Variants in TUSC3 observed in about 807,000 individuals in gnomAD.
The protein encoded by TUSC3 is tumor suppressor candidate 3, also known as dolichyl-diphosphooligosaccharide--protein glycosyltransferase subunit TUSC3.
Under a neutral mutation model 44.8 loss-of-function variants are expected in TUSC3, and 45 were observed. The ratio of observed to expected loss-of-function variants is 1.00; its 90% CI spans 0.79 to 1.29. The LOEUF (loss-of-function observed/expected upper bound fraction) is 1.29. TUSC3 is among the 50% of genes most tolerant of loss of function. The pLI is 0.00. For synonymous variants in TUSC3, 212 were observed against 152.9 expected (o/e 1.39, Z -2.85); for missense variants, 519 against 437.9 (o/e 1.19, Z -1.65).
chr8:15,445,125 T>C (rs1229505532), intron 1 of TUSC3, among the ~76,000 whole-genome samples: 1 of 152,064 alleles, frequency 6.6e-6, no homozygotes, highest in Non-Finnish European at 1.5e-5. Flanking sequence ...TGCAAATACA[T>C]GGGTAGAAAG....
intron 1 of TUSC3, among the ~76,000 whole-genome samples, chr8:15,545,560 G>C (rs969045055): frequency 1.3e-5 from 2 of 151,756 alleles, no homozygotes; most frequent in Non-Finnish European, 2.9e-5. Flanking sequence ...GCATTAGCAA[G>C]TTGTGTTAGA....
the TUSC3 span, among the ~76,000 whole-genome samples, chr8:15,801,039 C>T: frequency 1.3e-5 from 2 of 152,006 alleles, no homozygotes; most frequent in African/African-American, 4.8e-5. Context: ...CTGGATCTCA[C>T]CCAAGAAAGA....
chr8:15,666,259 A>G (rs1317525479), intron 5 of TUSC3, among the ~76,000 whole-genome samples: 2 of 151,504 alleles, frequency 1.3e-5, no homozygotes, highest in African/African-American at 2.4e-5. Flanking sequence ...ATACAGGAAA[A>G]TATCCTAAGG....
At position 15,573,444 on chromosome 8, in the gene TUSC3, A is replaced by G. The variant is rs551425960; in HGVS notation, c.138+32876A>G. 9.9e-5 allele frequency among the ~76,000 whole-genome samples: 15 copies of G among 151,930 alleles called. 1 individual carries two copies. In the South Asian group the frequency reaches 2.3e-3, roughly 23 times the overall value. The stretch of plus-strand genomic sequence containing the variant: ...CTAGGTTGGCTTGCCACACTTCCGT[A>G]GATTGTGCTGCTGAAGATAGAAGGA... On this transcript the variant is annotated intron_variant, in intron 1 of 10. Coordinates refer to ENST00000503731, the MANE Select transcript of TUSC3 (RefSeq NM_006765.4).
chr8:15,435,763 C>A (rs979995199), intron 1 of TUSC3, among the ~76,000 whole-genome samples: 1 of 152,158 alleles, frequency 6.6e-6, no homozygotes, highest in Non-Finnish European at 1.5e-5. Flanking sequence ...GCCTACATTG[C>A]TCTTGGAATC....
At chr8:15,529,909 T>G (rs1315958360) in intron 2 of TUSC3, among the ~76,000 whole-genome samples, 1 of 71,896 alleles carries the variant, frequency 1.4e-5, no homozygotes, top group African/African-American at 5.8e-5. Flanking sequence ...GCCATTCTCC[T>G]GCCTCAGCCT....
chr8:15,549,684 G>A (rs1801989250), intron 1 of TUSC3, among the ~76,000 whole-genome samples: 1 of 151,588 alleles, frequency 6.6e-6, no homozygotes, highest in Non-Finnish European at 1.5e-5. Context: ...ATTGGTCCAT[G>A]TTTTTTAGAA....
At chr8:15,597,104 A>G (rs1804105723) in intron 1 of TUSC3, among the ~76,000 whole-genome samples, 1 of 152,140 alleles carries the variant, frequency 6.6e-6, no homozygotes, top group African/African-American at 2.4e-5. Flanking sequence ...TCAGAGATAC[A>G]GTGATAAATA....
At chr8:15,804,400 C>T in the TUSC3 span, among the ~76,000 whole-genome samples, 1 of 152,188 alleles carries the variant, frequency 6.6e-6, no homozygotes, top group East Asian at 1.9e-4. Flanking sequence ...TAAATTATTT[C>T]TTAAGGCTGA....
intron 1 of TUSC3, among the ~76,000 whole-genome samples, chr8:15,433,059 A>G (rs2129117118): frequency 6.6e-6 from 1 of 152,334 alleles, no homozygotes; most frequent in South Asian, 2.1e-4. Context: ...AGGGGAATCC[A>G]GTCTCATGAC....
At chr8:15,437,621 C>T (rs1013032486) in intron 1 of TUSC3, among the ~76,000 whole-genome samples, 3 of 152,200 alleles carry the variant, frequency 2.0e-5, no homozygotes, top group Non-Finnish European at 4.4e-5. Context: ...AGATCTGAAG[C>T]TTTGCCTAAG....
intron 2 of TUSC3, among the ~76,000 whole-genome samples, chr8:15,531,382 G>A (rs1158288900): frequency 6.6e-6 from 1 of 152,166 alleles, no homozygotes; most frequent in Non-Finnish European, 1.5e-5. Flanking sequence ...CTCCCGCATA[G>A]CTGGGATTAC....
chr8:15,441,479 T>C (rs150382699), intron 1 of TUSC3, among the ~76,000 whole-genome samples: 224 of 152,298 alleles, frequency 1.5e-3, no homozygotes, highest in African/African-American at 4.8e-3. Context: ...TCAAAAAGAT[T>C]GTTTAGCCCC....
chr8:15,771,816 C>T, the TUSC3 span, among the ~76,000 whole-genome samples: 6 of 152,028 alleles, frequency 3.9e-5, no homozygotes, highest in Non-Finnish European at 5.9e-5. Context: ...AGGCCGGGCA[C>T]GGTGGCTCAC....
At chr8:15,497,160 G>A (rs1187236327) in intron 2 of TUSC3, among the ~76,000 whole-genome samples, 2 of 152,126 alleles carry the variant, frequency 1.3e-5, no homozygotes, top group African/African-American at 2.4e-5. Flanking sequence ...AATTAATGGC[G>A]TATTCTTGGT....
intron 2 of TUSC3, among the ~76,000 whole-genome samples, chr8:15,639,195 G>A (rs1205011506): frequency 6.6e-6 from 1 of 151,348 alleles, no homozygotes; most frequent in African/African-American, 2.4e-5. Context: ...CAGGGCTTCA[G>A]TGATGATGAT....
At chr8:15,715,389 C>T (rs1810017539) in intron 6 of TUSC3, among the ~76,000 whole-genome samples, 2 of 152,186 alleles carry the variant, frequency 1.3e-5, no homozygotes, top group South Asian at 4.1e-4. Context: ...ACTATACCCA[C>T]TCTTCTTCTT....
rs201770969 is a variant in TUSC3 at position 15,593,085 on chromosome 8, TA to T, written c.139-29986del. On this transcript the variant is annotated intron_variant, in intron 1 of 10. Transcript: ENST00000503731. The stretch of plus-strand genomic sequence containing the variant: ...CTTTATTATATATTAATGTGCTTTT[TA>T]AAAAAAAATTTTTTTTTGAGACGGA... Among the ~76,000 whole-genome samples, 1,174 of 152,102 alleles carry T rather than the reference TA, an allele frequency of 7.7e-3. 9 individuals carry two copies. Among genetic ancestry groups the T allele is most frequent in the Middle Eastern group, 0.021 (6 of 292 alleles).
intron 1 of TUSC3, among the ~76,000 whole-genome samples, chr8:15,459,717 A>T (rs1325800670): frequency 2.6e-5 from 4 of 151,966 alleles, no homozygotes; most frequent in Non-Finnish European, 5.9e-5. Context: ...AGAAGATATG[A>T]TGTTTGATTT....
Sources: gnomAD v4.1 joint callset for allele counts (sites outside exome capture counted in the v4.1 genomes callset) on GRCh38, gnomAD v4.1.1 for gene constraint, MANE v1.5 for transcripts, NCBI Gene and HGNC (gene_info 2026-07-23, HGNC 2026-07-21) for gene names.